OBI1: variants seen among roughly 807,000 people sequenced by gnomAD.
OBI1 encodes ORC ubiquitin ligase 1, also known as ring finger protein 219.
Under a neutral mutation model 62.4 loss-of-function variants are expected in OBI1, and 59 were observed. The ratio of observed to expected loss-of-function variants is 0.95; its 90% CI spans 0.77 to 1.17. The LOEUF (loss-of-function observed/expected upper bound fraction) is 1.17. Ranked by LOEUF, OBI1 falls within the 50% of genes most tolerant of loss-of-function variation. The probability of loss-of-function intolerance (pLI) is 0.00; values close to 1 mark genes in which losing one functional copy is unlikely to be tolerated. For missense variants in OBI1, 875 were observed against 830.9 expected, an observed-to-expected ratio of 1.05 and a Z score of -0.65; for synonymous variants, 302 against 292.8, an observed-to-expected ratio of 1.03 and a Z score of -0.32.
At chr13:78,617,287 T>C (rs1348896701) in intron 5 of OBI1, 165 bp from the exon 6 acceptor site, 2 of 505,550 alleles carry the variant, frequency 4.0e-6, no homozygotes, top group Non-Finnish European at 6.8e-6. Context: ...AAAAATGGTT[T>C]CCCCACTTAC....
In OBI1 at chr13:78,631,049, G is replaced by T. The variant is rs184494477; in HGVS notation, c.638+4061C>A. 1.9e-4 allele frequency among the ~76,000 whole-genome samples: 29 copies of T among 152,218 alleles called. 2 individuals are homozygous for T. In the East Asian group the frequency reaches 5.6e-3, roughly 30 times the overall value. On this transcript the variant is annotated intron_variant, in intron 5 of 5. Transcript: ENST00000282003. ...TTATGTTTCATAGTTCTTTTTTACT[G>T]TAAAGCAGCACCCTCCCTCAATGAC...
At chr13:78,646,667 C>T (rs770338012) in intron 1 of OBI1, among the ~76,000 whole-genome samples, 4 of 152,000 alleles carry the variant, frequency 2.6e-5, no homozygotes, top group African/African-American at 9.7e-5. Context: ...GAGGCAGAAC[C>T]ACCACAAACC....
In OBI1 at chr13:78,616,391, T is replaced by G; in HGVS notation, c.1370A>C (p.Glu457Ala). The change falls in exon 6 of 6, where the codon GAA (glutamate) becomes GCA (alanine). Residue 457 changes from glutamate (E) to alanine (A), a missense_variant. By Grantham distance (107) the Glu-to-Ala change is moderately radical. Transcript: ENST00000282003. Reference sequence around the variant, plus strand: ...TCCTGTCTTTGGGGAAGAAAAACATTCTGATTTCTTTTCATTTTCACTTCT... The same window carrying G: ...TCCTGTCTTTGGGGAAGAAAAACATGCTGATTTCTTTTCATTTTCACTTCT... ...ISRSENEKKS[E>A]CFSSPKTGFW... 1 of 1,613,142 alleles carries G rather than the reference T, an allele frequency of 6.2e-7. No individual in the cohort carries two copies. Among genetic ancestry groups the G allele is most frequent in the South Asian group, 1.1e-5 (1 of 90,856 alleles).
At chr13:78,634,066 TCAAAAACAAAAAACAAAAAACAAAAAA>T (rs1204473069) in intron 5 of OBI1, among the ~76,000 whole-genome samples, 4 of 128,454 alleles carry the variant, frequency 3.1e-5, no homozygotes, top group Non-Finnish European at 6.4e-5. Context: ...AGACTCCGTC[TCAAAAACAAAAAACAAAAAACAAAAAA>T]CAAAAAAAAA....
At chr13:78,659,015 C>G (rs749263767) in intron 1 of OBI1, 34 bp downstream of exon 1, 1 of 1,598,968 alleles carries the variant, frequency 6.3e-7, no homozygotes, top group South Asian at 1.1e-5. Context: ...TTATCCAACC[C>G]CGTTTTGTAG....
At chr13:78,643,301 T>C (rs780106554) in intron 2 of OBI1, among the ~76,000 whole-genome samples, 1 of 152,044 alleles carries the variant, frequency 6.6e-6, no homozygotes. Flanking sequence ...GACTCCTTGG[T>C]GAAATTCAGC....
intron 4 of OBI1, 83 bp downstream of exon 4, chr13:78,638,740 G>A (rs1269324630): frequency 1.6e-6 from 2 of 1,241,048 alleles, no homozygotes; most frequent in African/African-American, 3.0e-5. Context: ...CTGATGATGA[G>A]TCAAGATAAT....
intron 5 of OBI1, among the ~76,000 whole-genome samples, chr13:78,634,233 T>G (rs1593792823): frequency 6.6e-6 from 1 of 152,132 alleles, no homozygotes; most frequent in East Asian, 1.9e-4. Context: ...AGATAGGCTT[T>G]TTTTTAGTGT....
chr13:78,615,914 G>A lies in OBI1; in HGVS notation c.1847C>T (p.Ser616Phe), dbSNP rs1875259795. 6.2e-7 allele frequency: 1 copy of A among 1,613,782 alleles called. No homozygotes were observed. The highest frequency in any genetic ancestry group is 1.3e-5 in the African/African-American group (1 of 74,986). ...EWKPTSFFLL[S>F]PSDQEMNEDF... ...TTCATTCATTTCTTGGTCAGATGGAGAGAGGAGAAAAAAAGAAGTGGGTTT... is the reference window on the plus strand; with the variant it reads ...TTCATTCATTTCTTGGTCAGATGGAAAGAGGAGAAAAAAAGAAGTGGGTTT... The change falls in exon 6 of 6, where the codon TCT becomes TTT. Residue 616 changes from serine to phenylalanine, a missense_variant. Physicochemically the swap from Ser to Phe is radical, Grantham distance 155. Transcript: ENST00000282003.
chr13:78,616,437 A>C lies in OBI1; in HGVS notation c.1324T>G (p.Ser442Ala). ...CDSSNVSNKD[S>A]SEDDISRSEN... ...CTTCTACTTATATCATCTTCTGAAGAATCTTTATTAGAAACATTTGAAGAA... is the reference window on the plus strand; with the variant it reads ...CTTCTACTTATATCATCTTCTGAAGCATCTTTATTAGAAACATTTGAAGAA... The change falls in exon 6 of 6, where the codon TCT becomes GCT. Residue 442 changes from serine to alanine, a missense_variant. Physicochemically the swap from Ser to Ala is moderately conservative, Grantham distance 99. Transcript: ENST00000282003. 1 of 1,613,194 alleles carries C rather than the reference A, an allele frequency of 6.2e-7. No homozygotes were observed. The highest frequency in any genetic ancestry group is 8.5e-7 in the Non-Finnish European group (1 of 1,179,820).
At chr13:78,621,552 G>T (rs989179742) in intron 5 of OBI1, among the ~76,000 whole-genome samples, 6 of 152,196 alleles carry the variant, frequency 3.9e-5, no homozygotes, top group Non-Finnish European at 8.8e-5. Flanking sequence ...GGTCAACAAA[G>T]ATGAAGGTGT....
intron 1 of OBI1, among the ~76,000 whole-genome samples, chr13:78,657,411 T>A (rs1305969792): frequency 6.6e-6 from 1 of 152,190 alleles, no homozygotes; most frequent in African/African-American, 2.4e-5. Flanking sequence ...AAAGTCTTAG[T>A]ATTCTGAAGA....
intron 5 of OBI1, among the ~76,000 whole-genome samples, chr13:78,624,536 C>T (rs1184923088): frequency 6.6e-6 from 1 of 152,132 alleles, no homozygotes; most frequent in African/African-American, 2.4e-5. Flanking sequence ...GGCATGATCA[C>T]GGCTCACTGC....
Position 78,638,980 on chromosome 13 carries a change from A to G in OBI1, c.392T>C (p.Leu131Ser), listed in dbSNP as rs1475659616. Residue 131 changes from leucine (L) to serine (S), a missense_variant, in exon 4 of 6, where the codon TTA (leucine) becomes TCA (serine). Physicochemically the swap from Leu to Ser is moderately radical, Grantham distance 145 (BLOSUM62 -2). Transcript: ENST00000282003. ...ATTTTGGTTGCCCTGCACCAAGGTT[A>G]AAGGATCCAGAATAGTTTTGATCTG... is the stretch of plus-strand genomic sequence containing the variant. ...ESQIKTILDPLTLVQGNQNED... is the reference protein window; with the variant it reads ...ESQIKTILDPSTLVQGNQNED... 6.2e-7 allele frequency: 1 copy of G among 1,613,994 alleles called. No individual in the cohort carries two copies. Among genetic ancestry groups the G allele is most frequent in the East Asian group, 2.2e-5 (1 of 44,830 alleles).
At chr13:78,626,076 A>G (rs6563051) in intron 5 of OBI1, among the ~76,000 whole-genome samples, 56,729 of 151,990 alleles carry the variant, frequency 0.37, 10,932 homozygotes, top group African/African-American at 0.41. Context: ...GGAAAATCTG[A>G]TTCAAGTAAA....
Position 78,617,012 on chromosome 13 carries a change from A to G in OBI1, c.749T>C (p.Leu250Pro). Residue 250 changes from leucine to proline, a missense_variant, in exon 6 of 6, where the codon CTA (leucine) becomes CCA (proline). By Grantham distance (98) the Leu-to-Pro change is moderately conservative. Transcript: ENST00000282003. Reference protein sequence around the residue: ...LERSDKYIEELESQVAQLKNS... With the variant: ...LERSDKYIEEPESQVAQLKNS... ...TTTTAGCTGTGCAACTTGAGATTCT[A>G]GTTCCTCTATATACTTATCACTTCG... 6.2e-7 allele frequency: 1 copy of G among 1,614,156 alleles called. No homozygotes were observed. Among genetic ancestry groups the G allele is most frequent in the Non-Finnish European group, 8.5e-7 (1 of 1,180,012 alleles).
intron 5 of OBI1, among the ~76,000 whole-genome samples, chr13:78,631,128 G>A (rs977635878): frequency 1.3e-5 from 2 of 152,070 alleles, no homozygotes; most frequent in Non-Finnish European, 2.9e-5. Flanking sequence ...TTCTGGATTT[G>A]TCTGTATGTT....
chr13:78,644,770 T>C, intron 2 of OBI1, 92 bp downstream of exon 2: 1 of 1,406,118 alleles, frequency 7.1e-7, no homozygotes, highest in Non-Finnish European at 1.0e-6. Context: ...ATAGCATCAC[T>C]GAAAATAGCC....
chr13:78,620,540 T>C (rs1875475235), intron 5 of OBI1: 1 of 450,456 alleles, frequency 2.2e-6, no homozygotes, highest in African/African-American at 2.0e-5. Context: ...ATATCGGAAC[T>C]GTATTCTGCC....
Sources: allele counts gnomAD v4.1 joint callset (sites outside exome capture counted in the v4.1 genomes callset), GRCh38; gene constraint gnomAD v4.1.1; transcripts MANE v1.5; gene names NCBI Gene and HGNC (gene_info 2026-07-23, HGNC 2026-07-21).